Variants in STIMATE observed in about 807,000 individuals in gnomAD.
The protein encoded by STIMATE is STIM activating enhancer, also known as store-operated calcium entry regulator STIMATE.
Under a neutral mutation model 36.7 loss-of-function variants are expected in STIMATE, and 15 were observed. The ratio of observed to expected loss-of-function variants is 0.41; its 90% confidence interval spans 0.27 to 0.63. The LOEUF is 0.63. STIMATE is among the 20% of genes least tolerant of loss of function. The pLI is 0.32. For missense variants in STIMATE, 305 were observed against 397.3 expected (o/e 0.77, Z 1.98); for synonymous variants, 163 against 162.3 (o/e 1.00, Z -0.03).
In STIMATE at chr3:52,882,988, T is replaced by C. The variant is rs1379993412; in HGVS notation, c.160+14303A>G. 2.0e-5 allele frequency among the ~76,000 whole-genome samples: 3 copies of C among 152,306 alleles called. No individual in the cohort carries two copies. The East Asian group carries it at 5.8e-4, about 29-fold the overall frequency. On this transcript the variant is annotated intron_variant, in intron 1 of 7. Transcript: ENST00000355083. ...TCACTGTAGCGGTGGCAAGTAGTTT[T>C]TAACTAAAGAAAGCAACTCAATTTC...
intron 1 of STIMATE, among the ~76,000 whole-genome samples, chr3:52,868,174 C>T (rs1022691757): frequency 2.0e-5 from 3 of 152,232 alleles, no homozygotes; most frequent in Non-Finnish European, 2.9e-5. Flanking sequence ...AACCCAGAGA[C>T]GCCCAGGGAA....
At chr3:52,860,086 T>A (rs1575334086) in intron 1 of STIMATE, among the ~76,000 whole-genome samples, 5 of 135,342 alleles carry the variant, frequency 3.7e-5, no homozygotes, top group Admixed American at 7.6e-5. Flanking sequence ...GAAGAGGAAA[T>A]ACTAAGAGAG....
intron 1 of STIMATE, among the ~76,000 whole-genome samples, chr3:52,858,129 G>C (rs1289966547): frequency 6.6e-6 from 1 of 152,174 alleles, no homozygotes; most frequent in African/African-American, 2.4e-5. Context: ...GAGAAAATAA[G>C]TGTCTATTGT....
intron 1 of STIMATE, among the ~76,000 whole-genome samples, chr3:52,882,012 A>G (rs1012184044): frequency 1.3e-5 from 2 of 152,230 alleles, no homozygotes; most frequent in African/African-American, 4.8e-5. Flanking sequence ...AAAGAAGTAA[A>G]CATTTACTAT....
At chr3:52,891,373 A>G (rs1279604549) in intron 1 of STIMATE, among the ~76,000 whole-genome samples, 1 of 152,190 alleles carries the variant, frequency 6.6e-6, no homozygotes, top group Non-Finnish European at 1.5e-5. Context: ...GCATGCTGGG[A>G]ACTCAGTGAA....
intron 1 of STIMATE, among the ~76,000 whole-genome samples, chr3:52,875,231 G>A (rs1701481535): frequency 6.6e-6 from 1 of 152,150 alleles, no homozygotes; most frequent in Non-Finnish European, 1.5e-5. Context: ...AATTTGTGTT[G>A]GATAAGAGGA....
intron 1 of STIMATE, among the ~76,000 whole-genome samples, chr3:52,866,492 G>A (rs920457466): frequency 6.6e-6 from 1 of 152,242 alleles, no homozygotes; most frequent in African/African-American, 2.4e-5. Flanking sequence ...GGATACCAGG[G>A]TGTGGTGGTG....
chr3:52,850,420 G>A (rs1700977511), intron 3 of STIMATE, among the ~76,000 whole-genome samples: 2 of 107,656 alleles, frequency 1.9e-5, no homozygotes, highest in South Asian at 6.1e-4. Context: ...GACACAGCAA[G>A]ACTCTGTCTC....
intron 1 of STIMATE, among the ~76,000 whole-genome samples, chr3:52,859,531 A>AAAAAAT (rs748928249): frequency 1.6e-4 from 3 of 18,826 alleles, no homozygotes; most frequent in Non-Finnish European, 3.5e-4. Context: ...AAAAAAAAAA[A>AAAAAAT]TTTTTTTTTT....
chr3:52,890,856 C>T (rs1465505098), intron 1 of STIMATE, among the ~76,000 whole-genome samples: 1 of 152,174 alleles, frequency 6.6e-6, no homozygotes, highest in Non-Finnish European at 1.5e-5. Context: ...CTCCGTGCTG[C>T]CTGCTTCTGC....
Position 52,842,830 on chromosome 3 carries a change from T to G in STIMATE, c.749A>C (p.His250Pro). 1 of 1,614,244 alleles carries G rather than the reference T, an allele frequency of 6.2e-7. No individual in the cohort carries two copies. The highest frequency in any genetic ancestry group is 1.1e-5 in the South Asian group (1 of 91,084). The part of the protein sequence containing the change: ...SKVRYRRAAS[H>P]EESESEILIS... ...CCCTACCTCAGACTCAGACTCCTCGTGGGATGCGGCCCTCCGGTAGCGGAC... is the reference window on the plus strand; with the variant it reads ...CCCTACCTCAGACTCAGACTCCTCGGGGGATGCGGCCCTCCGGTAGCGGAC... The change falls in exon 7 of 8, where the codon CAC (histidine) becomes CCC (proline). Residue 250 changes from histidine to proline, a missense_variant. By Grantham distance (77) the His-to-Pro change is moderately conservative. Around this residue, in one of 3 missense-constraint regions of STIMATE, gnomAD observed 84 missense variants for 82.4 expected, o/e 1.02. Transcript: ENST00000355083.
Position 52,844,888 on chromosome 3 carries a change from T to G in STIMATE, c.481A>C (p.Ile161Leu). The G allele has an allele frequency of 1.2e-6, 2 of 1,614,058 alleles. No individual in the cohort carries two copies. The highest frequency in any genetic ancestry group is 1.7e-6 in the Non-Finnish European group (2 of 1,180,014). The change falls in exon 5 of 8, where the codon ATC becomes CTC. Residue 161 changes from isoleucine (I) to leucine (L), a missense_variant. Coordinates refer to ENST00000355083, the MANE Select transcript of STIMATE (RefSeq NM_198563.5). ...WVGQCALYIV[I>L]MIFEKSVVFI... ...ACGACAGACTTTTCAAAAATCATGA[T>G]CACGATGTAAAGAGCGCACTGCCCG...
At chr3:52,876,420 T>G (rs926175612) in intron 1 of STIMATE, among the ~76,000 whole-genome samples, 3 of 152,216 alleles carry the variant, frequency 2.0e-5, no homozygotes, top group Non-Finnish European at 4.4e-5. Context: ...AAAACAAGAA[T>G]GGCTTCTAAA....
chr3:52,859,913 G>A (rs547466781), intron 1 of STIMATE, among the ~76,000 whole-genome samples: 3 of 152,076 alleles, frequency 2.0e-5, no homozygotes, highest in South Asian at 4.2e-4. Context: ...GGTGCCCTGA[G>A]ACAGCCACAT....
chr3:52,888,818 A>G (rs1193147743), intron 1 of STIMATE, among the ~76,000 whole-genome samples: 1 of 152,236 alleles, frequency 6.6e-6, no homozygotes, highest in African/African-American at 2.4e-5. Context: ...AAAAAGCATG[A>G]AAGTTGTTGA....
At position 52,897,522 on chromosome 3, in the gene STIMATE, C is replaced by CA; in HGVS notation, c.-73dup. 3 of 1,186,202 alleles carry CA rather than the reference C, an allele frequency of 2.5e-6. No homozygotes were observed. The highest frequency in any genetic ancestry group is 2.1e-6 in the Non-Finnish European group (2 of 959,586). 73.5% of individuals were successfully genotyped at this position (1,186,202 alleles called of 1,614,324 possible). The stretch of plus-strand genomic sequence containing the variant: ...TCGCTGCCTGCCGGCGCAGCGCCGC[C>CA]AAACCCGCAGCCGGGATCCCAAGCC... On this transcript the variant is annotated 5_prime_UTR_variant, in exon 1 of 8. Coordinates refer to ENST00000355083, the MANE Select transcript of STIMATE (RefSeq NM_198563.5).
chr3:52,837,264 G>A lies in STIMATE; in HGVS notation c.*3230C>T, dbSNP rs1424788471. ...GGCGCTGCTCCCTCCAGGGTTCTGA[G>A]GCAGCCTTTGGACATAAACTTGGGG... On this transcript the variant is annotated 3_prime_UTR_variant, in exon 8 of 8. Coordinates refer to ENST00000355083, the MANE Select transcript of STIMATE (RefSeq NM_198563.5). The A allele has an allele frequency of 6.6e-6, 1 of 152,586 alleles. No individual in the cohort carries two copies. 9.5% of individuals were successfully genotyped at this position (152,586 alleles called of 1,614,324 possible).
chr3:52,897,348 T>C lies in STIMATE; in HGVS notation c.103A>G (p.Ser35Gly), dbSNP rs1456620159. ...GRCESGALMH[S>G]FGIFLQGLLG... Reference sequence around the variant, plus strand: ...AGCCCCTGCAGGAAGATGCCGAAGCTGTGCATGAGCGCGCCGCTCTCGCAG... The same window carrying C: ...AGCCCCTGCAGGAAGATGCCGAAGCCGTGCATGAGCGCGCCGCTCTCGCAG... The change falls in exon 1 of 8, where the codon AGC becomes GGC. Residue 35 changes from serine (S) to glycine (G), a missense_variant. Around this residue, in one of 3 missense-constraint regions of STIMATE, gnomAD observed 57 missense variants for 57.1 expected, o/e 1.00. Transcript: ENST00000355083. 1.3e-6 allele frequency: 2 copies of C among 1,534,522 alleles called. No individual in the cohort carries two copies. Among genetic ancestry groups the C allele is most frequent in the Non-Finnish European group, 1.7e-6 (2 of 1,148,458 alleles).
intron 1 of STIMATE, among the ~76,000 whole-genome samples, chr3:52,867,873 A>G (rs756978701): frequency 3.5e-4 from 54 of 152,194 alleles, no homozygotes; most frequent in Non-Finnish European, 3.5e-4. Flanking sequence ...AAAGAAAGCC[A>G]AGTCACCCGG....
Sources: gnomAD v4.1 joint callset for allele counts (sites outside exome capture counted in the v4.1 genomes callset) on GRCh38, gnomAD v4.1.1 for gene constraint, gnomAD v4.1.1 regional missense constraint, MANE v1.5 for transcripts, NCBI Gene and HGNC (gene_info 2026-07-23, HGNC 2026-07-21) for gene names.